Variants in CFAP70 observed in about 807,000 individuals in gnomAD.
CFAP70 encodes cilia and flagella associated protein 70, also known as cilia- and flagella-associated protein 70.
Under a neutral mutation model 137.6 loss-of-function variants are expected in CFAP70, and 81 were observed. That is an observed-to-expected ratio of 0.59 (90% CI 0.49 to 0.71). The LOEUF (loss-of-function observed/expected upper bound fraction) is 0.71. CFAP70 is among the 30% of genes least tolerant of loss of function. The probability of loss-of-function intolerance (pLI) is 0.00; values close to 1 mark genes in which losing one functional copy is unlikely to be tolerated. For synonymous variants in CFAP70, 382 were observed against 423.6 expected, an observed-to-expected ratio of 0.90 and a Z score of 1.20; for missense variants, 976 against 1,226.7, an observed-to-expected ratio of 0.80 and a Z score of 3.05.
exon 20 of CFAP70, chr10:73,278,208 G>A (rs1306909580): frequency 3.1e-6 from 5 of 1,613,804 alleles, no homozygotes; most frequent in Non-Finnish European, 4.2e-6. Flanking sequence ...CTTGATAAAT[G>A]TGTTAGATGG....
At chr10:73,361,340 T>G (rs187314299), upstream of CFAP70, among the ~76,000 whole-genome samples, 517 of 147,426 alleles carry the variant, frequency 3.5e-3, 8 homozygotes, top group Non-Finnish European at 9.1e-4. Context: ...TGCTCTGGAG[T>G]TCAGTGGCAT....
At chr10:73,256,040 A>G (rs1407961028) in intron 26 of CFAP70, among the ~76,000 whole-genome samples, 1 of 152,184 alleles carries the variant, frequency 6.6e-6, no homozygotes, top group South Asian at 2.1e-4. Context: ...CAACCCCTAC[A>G]TATTACACGA....
chr10:73,353,625 T>A, exon 3 of CFAP70: 2 of 1,614,214 alleles, frequency 1.2e-6, no homozygotes, highest in Non-Finnish European at 1.7e-6. Flanking sequence ...AAACTGCTAG[T>A]GAAGTTGTAT....
At chr10:73,349,442 C>CCT (rs1414047033) in intron 3 of CFAP70, among the ~76,000 whole-genome samples, 1 of 151,772 alleles carries the variant, frequency 6.6e-6, no homozygotes, top group Non-Finnish European at 1.5e-5. Flanking sequence ...ACTCAAGAGG[C>CCT]TGAGGCAGGA....
chr10:73,302,495 C>G (rs1043097062), intron 12 of CFAP70, among the ~76,000 whole-genome samples: 1 of 152,110 alleles, frequency 6.6e-6, no homozygotes, highest in South Asian at 2.1e-4. Context: ...GTTACCTGAT[C>G]AAAGAGTTAA....
upstream of CFAP70, among the ~76,000 whole-genome samples, chr10:73,362,340 TATTG>T (rs577728128): frequency 5.9e-5 from 9 of 152,196 alleles, no homozygotes; most frequent in Non-Finnish European, 1.3e-4. Context: ...GTCATTGCAA[TATTG>T]ATAGAGATTG....
At chr10:73,356,121 A>G (rs1281339481) in intron 1 of CFAP70, among the ~76,000 whole-genome samples, 1 of 152,046 alleles carries the variant, frequency 6.6e-6, no homozygotes, top group African/African-American at 2.4e-5. Flanking sequence ...TATACTGTCA[A>G]TTTTACAATA....
intron 25 of CFAP70, among the ~76,000 whole-genome samples, chr10:73,259,468 G>GT (rs1047747222): frequency 4.6e-5 from 7 of 151,872 alleles, no homozygotes; most frequent in African/African-American, 7.3e-5. Flanking sequence ...CCCCTCCTTT[G>GT]TTTTTTCTTT....
chr10:73,311,712 A>ATG, intron 11 of CFAP70, 122 bp downstream of exon 12: 1 of 824,148 alleles, frequency 1.2e-6, no homozygotes, highest in Admixed American at 2.1e-5. Flanking sequence ...ATAGACAACT[A>ATG]GTCATGGGCA....
At chr10:73,266,158 CATTGATTTTTAT>C (rs1333387166) in intron 25 of CFAP70, among the ~76,000 whole-genome samples, 1 of 152,114 alleles carries the variant, frequency 6.6e-6, no homozygotes, top group African/African-American at 2.4e-5. Context: ...ATTTTGATGA[CATTGATTTTTAT>C]ATTGATTTTT....
intron 25 of CFAP70, among the ~76,000 whole-genome samples, chr10:73,261,616 C>T (rs1170082751): frequency 1.3e-5 from 2 of 152,142 alleles, no homozygotes; most frequent in Non-Finnish European, 2.9e-5. Flanking sequence ...CCACCTGGTT[C>T]CTTCCACAAC....
At chr10:73,314,729 T>C (rs2050194938) in intron 9 of CFAP70, among the ~76,000 whole-genome samples, 1 of 152,052 alleles carries the variant, frequency 6.6e-6, no homozygotes, top group East Asian at 1.9e-4. Flanking sequence ...CACCTCAGCC[T>C]CCTGAGTAGC....
intron 5 of CFAP70, among the ~76,000 whole-genome samples, chr10:73,343,366 C>A (rs1163070255): frequency 6.6e-6 from 1 of 152,020 alleles, no homozygotes; most frequent in African/African-American, 2.4e-5. Flanking sequence ...GCAATCATGG[C>A]CCCATGCTCA....
rs767832182 is a variant in CFAP70, at chr10:73,354,800, A to T, written c.-4T>A. On this transcript the variant is annotated 5_prime_UTR_variant, in exon 2 of 27. It removes the in-frame stop codon of an upstream open reading frame in the 5' UTR. Coordinates refer to ENST00000310715, the Ensembl canonical transcript of CFAP70. ...CTGCTGATGGCACTTGCTCCATATCACCAACTGGGAAAAGTCCCTCTGTTT... is the reference window on the plus strand; with the variant it reads ...CTGCTGATGGCACTTGCTCCATATCTCCAACTGGGAAAAGTCCCTCTGTTT... 5 of 1,613,806 alleles carry T rather than the reference A, an allele frequency of 3.1e-6. No individual in the cohort carries two copies. Among genetic ancestry groups the T allele is most frequent in the Non-Finnish European group, 4.2e-6 (5 of 1,179,798 alleles).
intron 5 of CFAP70, 111 bp from the exon 7 acceptor site, chr10:73,341,692 C>T (rs2053266997): frequency 2.2e-6 from 2 of 895,528 alleles, no homozygotes; most frequent in South Asian, 3.1e-5. Flanking sequence ...CAAACATACC[C>T]CTCTACGATT....
chr10:73,314,284 T>C (rs2050162273), intron 9 of CFAP70, among the ~76,000 whole-genome samples: 1 of 152,218 alleles, frequency 6.6e-6, no homozygotes, highest in South Asian at 2.1e-4. Context: ...ACTTTAATAT[T>C]GTACAATTTA....
intron 4 of CFAP70, among the ~76,000 whole-genome samples, chr10:73,345,939 A>G (rs113028930): frequency 0.1 from 15,690 of 150,952 alleles, 1,160 homozygotes; most frequent in East Asian, 0.3. Context: ...TCCCTCTGTC[A>G]CCCAGGCTGG....
chr10:73,317,754 G>A (rs59699913), intron 9 of CFAP70, among the ~76,000 whole-genome samples: 6,769 of 152,040 alleles, frequency 0.045, 455 homozygotes, highest in African/African-American at 0.15. Context: ...GTTAAAATGT[G>A]AGCCCCCTCC....
At chr10:73,355,686 GA>G (rs1304286041) in intron 1 of CFAP70, among the ~76,000 whole-genome samples, 1 of 152,200 alleles carries the variant, frequency 6.6e-6, no homozygotes, top group Admixed American at 6.5e-5. Context: ...GCTGAGGCAG[GA>G]GAATCGCTTG....
Sources: allele counts gnomAD v4.1 joint callset (sites outside exome capture counted in the v4.1 genomes callset), GRCh38; gene constraint gnomAD v4.1.1; transcripts MANE v1.5; gene names NCBI Gene and HGNC (gene_info 2026-07-23, HGNC 2026-07-21).